The following OR8D4 variants were observed in gnomAD, a reference collection of about 807,000 sequenced individuals.
OR8D4 encodes olfactory receptor family 8 subfamily D member 4, also known as olfactory receptor 8D4.
For missense variants in OR8D4, 359 were observed against 372.6 expected, an observed-to-expected ratio of 0.96 and a Z score of 0.30; for synonymous variants, 141 against 134.8, an observed-to-expected ratio of 1.05 and a Z score of -0.32.
rs570372217 is a variant in OR8D4, at chr11:123,907,569, ACC to A, written c.*196_*197del. The A allele has an allele frequency of 1.3e-3, 407 of 303,520 alleles. 1 individual carries two copies. Among genetic ancestry groups the A allele is most frequent in the African/African-American group, 7.9e-3 (363 of 46,162 alleles). 18.8% of individuals were successfully genotyped at this position (303,520 alleles called of 1,614,324 possible). A position where few individuals can be genotyped will look rare whatever the true frequency, so the allele number is the denominator to read the frequency against. ...AGACCAGCCTGGCCAAGATGATGAAACCCCATCACTATTAAAATTACAAAAAA... is the reference window on the plus strand; with the variant it reads ...AGACCAGCCTGGCCAAGATGATGAAACCATCACTATTAAAATTACAAAAAA... On this transcript the variant is annotated 3_prime_UTR_variant, in exon 2 of 2. Coordinates refer to ENST00000641687, the MANE Select transcript of OR8D4 (RefSeq NM_001005197.2).
chr11:123,905,959 A>G (rs756929358), intron 1 of OR8D4, among the ~76,000 whole-genome samples: 41 of 152,156 alleles, frequency 2.7e-4, no homozygotes, highest in African/African-American at 3.9e-4. Context: ...CAGCATAAAT[A>G]TCATCCTATA....
At chr11:123,904,857 C>T (rs1434137114) in intron 1 of OR8D4, among the ~76,000 whole-genome samples, 1 of 152,108 alleles carries the variant, frequency 6.6e-6, no homozygotes, top group Non-Finnish European at 1.5e-5. Context: ...ATTAAATAGC[C>T]AGGTAGCTGG....
chr11:123,903,397 A>G (rs1198537734), intron 1 of OR8D4, among the ~76,000 whole-genome samples: 1 of 152,068 alleles, frequency 6.6e-6, no homozygotes. Flanking sequence ...AGGATGTTTT[A>G]AATTGCCCGT....
chr11:123,906,464 G>A lies in OR8D4; in HGVS notation c.33G>A (p.Glu11=). Residue 11 remains glutamate (E), a synonymous_variant, in exon 2 of 2, where the codon GAG becomes GAA. Transcript: ENST00000641687. MGVKNHSTVT[E]FLLSGLTEQA... ...TAAAAAACCATTCCACAGTGACTGA[G>A]TTTCTTCTTTCAGGATTAACTGAAC... 6.2e-7 allele frequency: 1 copy of A among 1,611,008 alleles called. No individual in the cohort carries two copies. The highest frequency in any genetic ancestry group is 2.2e-5 in the East Asian group (1 of 44,750).
rs965101696 is a variant in OR8D4, at chr11:123,908,310, C to A, written c.*934C>A. On this transcript the variant is annotated 3_prime_UTR_variant, in exon 2 of 2. Coordinates refer to ENST00000641687, the MANE Select transcript of OR8D4 (RefSeq NM_001005197.2). ...CCAGTATATGTGCAGTATTTTGTAACTTTCTGTTTGTTTCTTTTGAGTTGG... is the reference window on the plus strand; with the variant it reads ...CCAGTATATGTGCAGTATTTTGTAAATTTCTGTTTGTTTCTTTTGAGTTGG... The A allele has an allele frequency of 2.0e-5, 3 of 151,916 alleles. No homozygotes were observed. The highest frequency in any genetic ancestry group is 7.3e-5 in the African/African-American group (3 of 41,344). The allele number at this position is 151,916 out of a possible 1,614,324, so 9.4% of individuals were successfully genotyped here.
At chr11:123,904,787 A>T (rs1034364072) in intron 1 of OR8D4, among the ~76,000 whole-genome samples, 1 of 152,180 alleles carries the variant, frequency 6.6e-6, no homozygotes, top group African/African-American at 2.4e-5. Context: ...CTGCCTACGG[A>T]AGTTTGGCTT....
chr11:123,903,795 A>G (rs1211349157), intron 1 of OR8D4, among the ~76,000 whole-genome samples: 5 of 152,220 alleles, frequency 3.3e-5, no homozygotes, highest in Admixed American at 6.5e-5. Flanking sequence ...CATGCACATT[A>G]CACTGCCATG....
At chr11:123,905,937 C>T (rs531339149) in intron 1 of OR8D4, among the ~76,000 whole-genome samples, 16 of 152,292 alleles carry the variant, frequency 1.1e-4, no homozygotes, top group African/African-American at 3.4e-4. Context: ...GCACAAAGCC[C>T]TCTTCAACAA....
chr11:123,902,459 A>G (rs1275233847), intron 1 of OR8D4, among the ~76,000 whole-genome samples: 1 of 152,152 alleles, frequency 6.6e-6, no homozygotes, highest in Non-Finnish European at 1.5e-5. Flanking sequence ...TGTGTCTAAT[A>G]TATGAATTAA....
intron 1 of OR8D4, 39 bp from the exon 2 acceptor site, chr11:123,906,378 C>T: frequency 1.7e-6 from 2 of 1,194,944 alleles, no homozygotes; most frequent in Non-Finnish European, 1.2e-6. Context: ...TAGAAACAAA[C>T]ACTGATAGAA....
rs886803239 is a variant in OR8D4 at position 123,908,832 on chromosome 11, T to A, written c.*1456T>A. Reference sequence around the variant, plus strand: ...AAGGCTGGAACAAACTTGGCCATATTCAAGAAACGGAGAAGGCAGTATGGC... The same window carrying A: ...AAGGCTGGAACAAACTTGGCCATATACAAGAAACGGAGAAGGCAGTATGGC... On this transcript the variant is annotated 3_prime_UTR_variant, in exon 2 of 2. Transcript: ENST00000641687. 1 of 152,068 alleles carries A rather than the reference T, an allele frequency of 6.6e-6. No homozygotes were observed. The highest frequency in any genetic ancestry group is 1.5e-5 in the Non-Finnish European group (1 of 68,024). The allele number at this position is 152,068 out of a possible 1,614,324, so 9.4% of individuals were successfully genotyped here. A position where few individuals can be genotyped will look rare whatever the true frequency, so the allele number is the denominator to read the frequency against.
chr11:123,904,336 T>TAGGA (rs1198582526), intron 1 of OR8D4, among the ~76,000 whole-genome samples: 1 of 151,976 alleles, frequency 6.6e-6, no homozygotes, highest in Non-Finnish European at 1.5e-5. Context: ...GGGAGCCCAG[T>TAGGA]AGGAATTAGG....
Position 123,906,606 on chromosome 11 carries a change from A to G in OR8D4, c.175A>G (p.Met59Val), listed in dbSNP as rs1863201716. Residue 59 changes from methionine (M) to valine (V), a missense_variant, in exon 2 of 2, where the codon ATG becomes GTG. Physicochemically the swap from Met to Val is conservative, Grantham distance 21 (BLOSUM62 1). Transcript: ENST00000641687. ...IRLNRQLHTPMYYFLSSLSFL... is the reference protein window; with the variant it reads ...IRLNRQLHTPVYYFLSSLSFL... ...GCTGAATCGTCAACTTCATACCCCC[A>G]TGTACTATTTCCTGAGTAGTTTGTC... 1 of 1,613,884 alleles carries G rather than the reference A, an allele frequency of 6.2e-7. No individual in the cohort carries two copies. Among genetic ancestry groups the G allele is most frequent in the Non-Finnish European group, 8.5e-7 (1 of 1,179,822 alleles).
Position 123,907,195 on chromosome 11 carries a change from T to G in OR8D4, c.764T>G (p.Leu255Arg). Reference protein sequence around the residue: ...LTAVLMFYGSLMSMYLKPASS... With the variant: ...LTAVLMFYGSRMSMYLKPASS... ...GCTGTTCTTATGTTTTATGGGTCTC[T>G]GATGTCCATGTATCTCAAACCTGCT... is the stretch of plus-strand genomic sequence containing the variant. The change falls in exon 2 of 2, where the codon CTG becomes CGG. Residue 255 changes from leucine (L) to arginine (R), a missense_variant. Transcript: ENST00000641687. 1 of 1,613,880 alleles carries G rather than the reference T, an allele frequency of 6.2e-7. No homozygotes were observed. Among genetic ancestry groups the G allele is most frequent in the Non-Finnish European group, 8.5e-7 (1 of 1,179,854 alleles).
chr11:123,905,385 G>T (rs1361751299), intron 1 of OR8D4, among the ~76,000 whole-genome samples: 1 of 152,188 alleles, frequency 6.6e-6, no homozygotes, highest in African/African-American at 2.4e-5. Context: ...AAGTAAGTTT[G>T]ATAAATATTG....
Position 123,906,830 on chromosome 11 carries a change from G to A in OR8D4, c.399G>A (p.Arg133=). The A allele has an allele frequency of 6.2e-7, 1 of 1,613,910 alleles. No individual in the cohort carries two copies. Among genetic ancestry groups the A allele is most frequent in the Non-Finnish European group, 8.5e-7 (1 of 1,179,926 alleles). ...YVAICSPLLY[R]VIMSPRVCSL... is the part of the protein sequence containing the mutation. ...CCATCTGCAGCCCACTGCTCTACAG[G>A]GTCATCATGTCCCCTAGGGTCTGTT... The change falls in exon 2 of 2, where the codon AGG becomes AGA. Residue 133 remains arginine (R), a synonymous_variant. Coordinates refer to ENST00000641687, the MANE Select transcript of OR8D4 (RefSeq NM_001005197.2).
intron 1 of OR8D4, among the ~76,000 whole-genome samples, chr11:123,902,485 G>A (rs977043689): frequency 3.3e-5 from 5 of 151,966 alleles, no homozygotes; most frequent in African/African-American, 1.2e-4. Context: ...GAAATCACCT[G>A]CTTTAAAAAT....
At chr11:123,902,305 G>C (rs990084940) in intron 1 of OR8D4, 48 bp downstream of exon 1, 2 of 152,094 alleles carry the variant, frequency 1.3e-5, no homozygotes, top group Non-Finnish European at 2.9e-5. Context: ...ATTAAAATGT[G>C]TTCTGAAATC....
intron 1 of OR8D4, among the ~76,000 whole-genome samples, chr11:123,903,112 T>C (rs1040364049): frequency 2.6e-5 from 4 of 151,560 alleles, no homozygotes; most frequent in African/African-American, 9.8e-5. Flanking sequence ...CTGAACAATA[T>C]ACTAAAAGAA....
Sources: gnomAD v4.1 joint callset for allele counts (sites outside exome capture counted in the v4.1 genomes callset) on GRCh38, gnomAD v4.1.1 for gene constraint, MANE v1.5 for transcripts, NCBI Gene and HGNC (gene_info 2026-07-23, HGNC 2026-07-21) for gene names.